Variants in ADGRL2 observed in about 807,000 individuals in gnomAD.
ADGRL2 encodes the protein adhesion G protein-coupled receptor L2.
In ADGRL2, 44 loss-of-function variants were observed where a neutral mutation model predicts 157.4. The observed-to-expected ratio is 0.28, with a 90% CI of 0.22 to 0.36. The LOEUF (loss-of-function observed/expected upper bound fraction) is 0.36, where lower values mean the gene tolerates loss of function less well. Among genes scored for constraint, ADGRL2 ranks in the 10% least tolerant of loss-of-function variants. The probability of loss-of-function intolerance (pLI) is 1.00; values close to 1 mark genes in which losing one functional copy is unlikely to be tolerated. For missense variants in ADGRL2, 1,510 were observed against 1,768.9 expected (o/e 0.85, Z 2.63); for synonymous variants, 585 against 624.7 (o/e 0.94, Z 0.95).
intron 2 of ADGRL2, among the ~76,000 whole-genome samples, chr1:81,839,954 A>AT (rs1460228477): frequency 8.9e-6 from 1 of 111,776 alleles, no homozygotes; most frequent in African/African-American, 2.9e-5. Flanking sequence ...ATATATATAT[A>AT]AATACACACA....
intron 3 of ADGRL2, among the ~76,000 whole-genome samples, chr1:81,685,000 A>G (rs1308744479): frequency 6.6e-6 from 1 of 152,042 alleles, no homozygotes; most frequent in East Asian, 1.9e-4. Flanking sequence ...CTATGTGCCT[A>G]TTTTTATACC....
intron 2 of ADGRL2, among the ~76,000 whole-genome samples, chr1:81,512,047 G>A (rs59988247): frequency 0.018 from 2,802 of 151,988 alleles, 75 homozygotes; most frequent in African/African-American, 0.065. Flanking sequence ...TTACCTCATC[G>A]TGCTAAAAGA....
At position 81,990,612 on chromosome 1, in the gene ADGRL2, C is replaced by T. The variant is rs1558063929; in HGVS notation, c.3877C>T (p.Leu1293Phe). 3 of 1,614,182 alleles carry T rather than the reference C, an allele frequency of 1.9e-6. No homozygotes were observed. Among genetic ancestry groups the T allele is most frequent in the African/African-American group, 1.3e-5 (1 of 75,044 alleles). The change falls in exon 24 of 24, where the codon CTC (leucine) becomes TTC (phenylalanine). Residue 1293 changes from leucine to phenylalanine, a missense_variant. Transcript: ENST00000686636. ...CAGCAGCAAGACTCACAACCTCGAG[C>T]TCACGCTACCAGTCAAACCTGTGAT... ...RGSSKTHNLE[L>F]TLPVKPVIGG...
At chr1:81,504,195 G>GC (rs1337560499) in intron 2 of ADGRL2, among the ~76,000 whole-genome samples, 8 of 151,878 alleles carry the variant, frequency 5.3e-5, no homozygotes, top group Admixed American at 3.3e-4. Context: ...TTCTCTGGCC[G>GC]CCCCCCCAAA....
chr1:81,847,020 G>A (rs919031526), intron 2 of ADGRL2, among the ~76,000 whole-genome samples: 4 of 149,930 alleles, frequency 2.7e-5, no homozygotes, highest in Non-Finnish European at 5.9e-5. Flanking sequence ...TTGTTTGGTT[G>A]CTTTTGGTAG....
At chr1:81,885,842 T>C (rs2094116236) in intron 2 of ADGRL2, among the ~76,000 whole-genome samples, 1 of 152,228 alleles carries the variant, frequency 6.6e-6, no homozygotes, top group Admixed American at 6.5e-5. Flanking sequence ...GAGCACCCTG[T>C]TACTGTTGTT....
intron 3 of ADGRL2, among the ~76,000 whole-genome samples, chr1:81,641,870 G>A (rs938930700): frequency 6.6e-6 from 1 of 151,920 alleles, no homozygotes; most frequent in Non-Finnish European, 1.5e-5. Context: ...TAGAAAATTA[G>A]TATGAAAATC....
chr1:81,515,846 CTA>C (rs1302485700), intron 2 of ADGRL2, among the ~76,000 whole-genome samples: 9 of 151,972 alleles, frequency 5.9e-5, no homozygotes, highest in African/African-American at 1.4e-4. Context: ...GAAGATTATG[CTA>C]TATGTTTTTA....
At chr1:81,658,574 C>T (rs2082585377) in intron 3 of ADGRL2, among the ~76,000 whole-genome samples, 2 of 152,154 alleles carry the variant, frequency 1.3e-5, no homozygotes, top group African/African-American at 4.8e-5. Context: ...TCCCACCTTC[C>T]CACACTTCTG....
chr1:81,957,629 G>A (rs1233311794), intron 11 of ADGRL2, among the ~76,000 whole-genome samples: 2 of 151,956 alleles, frequency 1.3e-5, no homozygotes, highest in Non-Finnish European at 2.9e-5. Flanking sequence ...GATCACCTGA[G>A]CCCAGGGAGG....
At chr1:81,463,100 G>C (rs1166260778) in intron 2 of ADGRL2, among the ~76,000 whole-genome samples, 1 of 126,994 alleles carries the variant, frequency 7.9e-6, no homozygotes, top group African/African-American at 2.9e-5. Context: ...GGGCAATAGA[G>C]TGAGACCATG....
chr1:81,546,239 A>G (rs1017795179), intron 2 of ADGRL2, among the ~76,000 whole-genome samples: 9 of 152,260 alleles, frequency 5.9e-5, no homozygotes, highest in African/African-American at 2.2e-4. Flanking sequence ...TTAAAATTTT[A>G]CCATATCTTT....
rs80017084 is a variant in ADGRL2 at position 81,612,384 on chromosome 1, A to G, written c.-143+31404A>G. Among the ~76,000 whole-genome samples the G allele has an allele frequency of 8.4e-3, 1,286 of 152,308 alleles. 31 individuals carry two copies. The highest frequency in any genetic ancestry group is 0.029 in the African/African-American group (1,218 of 41,550). ...TGGATCTTGCTAATCCTCCTAAAAAAGAAAACCTTGATAGGTAACAATAGC... is the reference window on the plus strand; with the variant it reads ...TGGATCTTGCTAATCCTCCTAAAAAGGAAAACCTTGATAGGTAACAATAGC... On this transcript the variant is annotated intron_variant, in intron 3 of 24. Coordinates refer to the ADGRL2 transcript ENST00000370721.
chr1:81,686,893 A>G (rs2083238846), intron 3 of ADGRL2, among the ~76,000 whole-genome samples: 1 of 152,138 alleles, frequency 6.6e-6, no homozygotes, highest in Non-Finnish European at 1.5e-5. Context: ...TTTTTGACCC[A>G]AGATCATTCA....
chr1:81,970,756 T>G (rs1047835082), intron 16 of ADGRL2, among the ~76,000 whole-genome samples: 3 of 152,162 alleles, frequency 2.0e-5, no homozygotes, highest in Non-Finnish European at 4.4e-5. Context: ...GACTTTCTTT[T>G]TAACACAAAA....
intron 2 of ADGRL2, among the ~76,000 whole-genome samples, chr1:81,531,951 T>TA (rs1570409313): frequency 6.6e-6 from 1 of 152,276 alleles, no homozygotes; most frequent in East Asian, 1.9e-4. Context: ...CTAACTGGCA[T>TA]AAAAAATGAT....
At chr1:81,310,977 A>G (rs189332189) in intron 1 of ADGRL2, among the ~76,000 whole-genome samples, 26 of 152,140 alleles carry the variant, frequency 1.7e-4, no homozygotes, top group Non-Finnish European at 3.5e-4. Context: ...GTCCCTCATT[A>G]CTAAATTCTT....
intron 1 of ADGRL2, among the ~76,000 whole-genome samples, chr1:81,390,602 T>A (rs2076526417): frequency 6.6e-6 from 1 of 152,306 alleles, no homozygotes; most frequent in African/African-American, 2.4e-5. Flanking sequence ...ATTTATTGCA[T>A]ATTCTTCCAG....
At chr1:81,882,194 A>G (rs1402901649) in intron 2 of ADGRL2, among the ~76,000 whole-genome samples, 1 of 152,132 alleles carries the variant, frequency 6.6e-6, no homozygotes, top group Non-Finnish European at 1.5e-5. Context: ...GGTGTTACAG[A>G]TGTGTTTTTT....
Sources: gnomAD v4.1 joint callset for allele counts (sites outside exome capture counted in the v4.1 genomes callset) on GRCh38, gnomAD v4.1.1 for gene constraint, MANE v1.5 for transcripts, NCBI Gene and HGNC (gene_info 2026-07-23, HGNC 2026-07-21) for gene names.